Variants in STOX2 observed in about 807,000 individuals in gnomAD.
STOX2 encodes the protein storkhead box 2.
A neutral mutation model predicts 60.9 loss-of-function variants in STOX2; 28 were observed. The ratio of observed to expected loss-of-function variants is 0.46; its 90% CI spans 0.34 to 0.63. The LOEUF is 0.63. STOX2 is among the 30% of genes least tolerant of loss of function. The pLI is 0.01. For missense variants in STOX2, 1,024 were observed against 1,187.7 expected, an observed-to-expected ratio of 0.86 and a Z score of 2.03; for synonymous variants, 472 against 463.9, an observed-to-expected ratio of 1.02 and a Z score of -0.22.
chr4:183,861,148 T>G (rs1374117979), intron 1 of STOX2, among the ~76,000 whole-genome samples: 1 of 152,222 alleles, frequency 6.6e-6, no homozygotes, highest in African/African-American at 2.4e-5. Flanking sequence ...AAAAGTGCTG[T>G]TTCTTCCAAA....
chr4:183,832,816 G>C (rs908772496), intron 1 of STOX2, among the ~76,000 whole-genome samples: 1 of 145,012 alleles, frequency 6.9e-6, no homozygotes, highest in African/African-American at 2.9e-5. Context: ...CCTTACTGTC[G>C]TTAGGCTCTT....
chr4:183,837,016 C>G (rs185582280), intron 1 of STOX2, among the ~76,000 whole-genome samples: 1 of 152,224 alleles, frequency 6.6e-6, no homozygotes, highest in Non-Finnish European at 1.5e-5. Context: ...CTTCTTAGGA[C>G]TCATACACGT....
At chr4:183,807,018 G>A (rs1738908759) in intron 1 of STOX2, among the ~76,000 whole-genome samples, 1 of 151,854 alleles carries the variant, frequency 6.6e-6, no homozygotes, top group Non-Finnish European at 1.5e-5. Flanking sequence ...TGTCGCCCAG[G>A]CTGGAGTGCA....
chr4:183,984,718 A>C (rs994210496), intron 1 of STOX2, among the ~76,000 whole-genome samples: 1 of 152,222 alleles, frequency 6.6e-6, no homozygotes, highest in Non-Finnish European at 1.5e-5. Context: ...TCTGCTGCCA[A>C]GGACGCAGGC....
chr4:183,862,187 G>A (rs373101116), intron 1 of STOX2, among the ~76,000 whole-genome samples: 2 of 136,678 alleles, frequency 1.5e-5, no homozygotes, highest in Non-Finnish European at 3.3e-5. Flanking sequence ...TTGTTTGTTT[G>A]TTTTTTGAGA....
chr4:183,800,193 AT>A (rs11321964), intron 1 of STOX2, among the ~76,000 whole-genome samples: 149,168 of 152,090 alleles, frequency 0.98, 73,201 homozygotes, highest in Middle Eastern at 1. Flanking sequence ...AGGCTTCCTC[AT>A]TTTTTTTTGT....
chr4:183,997,216 C>T (rs138653834), intron 1 of STOX2, among the ~76,000 whole-genome samples: 211 of 152,260 alleles, frequency 1.4e-3, no homozygotes, highest in Non-Finnish European at 3.5e-4. Context: ...TGATGAGGTG[C>T]CATTTGAATT....
chr4:183,877,316 G>C (rs548959539), intron 1 of STOX2, among the ~76,000 whole-genome samples: 1 of 152,126 alleles, frequency 6.6e-6, no homozygotes, highest in Non-Finnish European at 1.5e-5. Flanking sequence ...TCTCGGGTCC[G>C]CACACAGACC....
chr4:183,798,839 T>TA (rs1486387647), intron 1 of STOX2: 13 of 984,424 alleles, frequency 1.3e-5, no homozygotes, highest in Non-Finnish European at 1.6e-5. Context: ...TTCCCCTCCT[T>TA]AATCCAGTTT....
intron 1 of STOX2, among the ~76,000 whole-genome samples, chr4:183,858,302 C>T (rs1446213798): frequency 6.6e-6 from 1 of 152,082 alleles, no homozygotes. Context: ...CTGTGACCTG[C>T]GTCTCCCGCC....
chr4:183,872,943 A>G (rs1740728221), intron 1 of STOX2, among the ~76,000 whole-genome samples: 1 of 152,220 alleles, frequency 6.6e-6, no homozygotes, highest in Non-Finnish European at 1.5e-5. Flanking sequence ...GGAATCAATG[A>G]TAAGACAGAA....
At chr4:183,983,565 T>G (rs2309952) in intron 1 of STOX2, among the ~76,000 whole-genome samples, 152,282 of 152,292 alleles carry the variant, frequency 1, 76,136 homozygotes, top group Non-Finnish European at 1. Context: ...GTGATAGGAG[T>G]CCAAGAAGTC....
chr4:183,909,631 A>G (rs899054154), intron 1 of STOX2, among the ~76,000 whole-genome samples: 11 of 152,202 alleles, frequency 7.2e-5, no homozygotes, highest in Admixed American at 7.2e-4. Context: ...ACAGTCACTT[A>G]GTTTTAAACT....
At chr4:183,813,495 A>T (rs1739085347) in intron 1 of STOX2, among the ~76,000 whole-genome samples, 1 of 152,220 alleles carries the variant, frequency 6.6e-6, no homozygotes, top group African/African-American at 2.4e-5. Context: ...TGAGTAGGTT[A>T]TCTGTGAATA....
At chr4:183,852,001 G>C (rs1348504685) in intron 1 of STOX2, among the ~76,000 whole-genome samples, 5 of 84,926 alleles carry the variant, frequency 5.9e-5, no homozygotes, top group Admixed American at 3.9e-4. Flanking sequence ...ATGAGGGAAA[G>C]GATGAGGGAA....
chr4:184,015,792 ACT>A (rs1480401368), intron 3 of STOX2: 4 of 151,924 alleles, frequency 2.6e-5, no homozygotes, highest in Admixed American at 2.6e-4. Context: ...CTAAATGTTG[ACT>A]CTGCCTCATG....
At chr4:183,890,250 C>T (rs751223787) in intron 1 of STOX2, among the ~76,000 whole-genome samples, 24 of 151,966 alleles carry the variant, frequency 1.6e-4, no homozygotes, top group South Asian at 1.0e-3. Context: ...TTTGAAAGGC[C>T]GAGGTGGGCA....
chr4:184,003,158 C>T (rs1733668735), intron 2 of STOX2, among the ~76,000 whole-genome samples: 1 of 152,236 alleles, frequency 6.6e-6, no homozygotes, highest in African/African-American at 2.4e-5. Flanking sequence ...TGCTTTCTGT[C>T]CTATGAGTGC....
rs544217190 is a variant in STOX2, at chr4:183,934,923, G to A, written c.166+27967G>A. On this transcript the variant is annotated intron_variant, in intron 1 of 3. Transcript: ENST00000308497. ...GGGTATCGCTATGAACGCACAAGCA[G>A]GCTGACTCCTCAGGTTGCATGGGTG... Among the ~76,000 whole-genome samples the A allele has an allele frequency of 9.2e-5, 14 of 152,356 alleles. No individual in the cohort carries two copies. In the South Asian group the frequency reaches 2.1e-3, roughly 23 times the overall value.
Sources: allele counts gnomAD v4.1 joint callset (sites outside exome capture counted in the v4.1 genomes callset), GRCh38; gene constraint gnomAD v4.1.1; transcripts MANE v1.5; gene names NCBI Gene and HGNC (gene_info 2026-07-23, HGNC 2026-07-21).